KCNC2: variants seen among roughly 807,000 people sequenced by gnomAD.
KCNC2 encodes voltage-gated potassium channel KCNC2.
KCNC2 carries 21 observed loss-of-function variants against 44.5 expected under a neutral mutation model. That is an observed-to-expected ratio of 0.47 (90% CI 0.33 to 0.68). KCNC2 has a LOEUF of 0.68. Ranked by LOEUF, KCNC2 falls within the 30% of genes least tolerant of loss-of-function variation. The pLI, the probability that KCNC2 is intolerant of heterozygous loss-of-function variation, is 0.01. For synonymous variants in KCNC2, 391 were observed against 339.1 expected, an observed-to-expected ratio of 1.15 and a Z score of -1.68; for missense variants, 589 against 826.2, an observed-to-expected ratio of 0.71 and a Z score of 3.52.
chr12:75,184,973 T>C (rs887979777), intron 2 of KCNC2, among the ~76,000 whole-genome samples: 3 of 152,218 alleles, frequency 2.0e-5, no homozygotes, highest in Admixed American at 6.5e-5. Context: ...AAGTATTCAT[T>C]TGTGGACACA....
chr12:75,052,420 G>T (rs754520295), intron 2 of KCNC2, among the ~76,000 whole-genome samples: 1 of 152,042 alleles, frequency 6.6e-6, no homozygotes, highest in Admixed American at 6.6e-5. Flanking sequence ...TAATATTAAA[G>T]ATCTGAAAAC....
intron 2 of KCNC2, among the ~76,000 whole-genome samples, chr12:75,117,115 A>C (rs1490028578): frequency 6.6e-6 from 1 of 152,110 alleles, no homozygotes; most frequent in Non-Finnish European, 1.5e-5. Context: ...GAAAGAGAAG[A>C]CAAAAAGAAA....
chr12:75,085,698 G>A (rs577320477), intron 2 of KCNC2, among the ~76,000 whole-genome samples: 44 of 152,066 alleles, frequency 2.9e-4, no homozygotes, highest in African/African-American at 1.0e-3. Flanking sequence ...GAAAATAGAT[G>A]CTCTAGGGTG....
chr12:75,179,024 C>A (rs993868025), intron 2 of KCNC2, among the ~76,000 whole-genome samples: 1 of 151,758 alleles, frequency 6.6e-6, no homozygotes, highest in African/African-American at 2.4e-5. Context: ...AGAAGGAAAT[C>A]TCCTTTCAAG....
At chr12:75,106,788 C>T (rs993523899) in intron 2 of KCNC2, among the ~76,000 whole-genome samples, 2 of 152,222 alleles carry the variant, frequency 1.3e-5, no homozygotes, top group Non-Finnish European at 2.9e-5. Flanking sequence ...ATTCTTATCC[C>T]TATACTACTA....
At position 75,126,778 on chromosome 12, in the gene KCNC2, T is replaced by C. The variant is rs534724728; in HGVS notation, c.688-75461A>G. ...ATAAACAAGAACATTCAGGATAAGATATTTGTTATACAAATATTATTCTAG... is the reference window on the plus strand; with the variant it reads ...ATAAACAAGAACATTCAGGATAAGACATTTGTTATACAAATATTATTCTAG... On this transcript the variant is annotated intron_variant, in intron 2 of 4. Transcript: ENST00000549446. Among the ~76,000 whole-genome samples, 5 of 152,128 alleles carry C rather than the reference T, an allele frequency of 3.3e-5. No homozygotes were observed. The South Asian group carries it at 1.0e-3, about 31-fold the overall frequency.
At chr12:75,192,433 G>A (rs925781807) in intron 2 of KCNC2, among the ~76,000 whole-genome samples, 16 of 152,298 alleles carry the variant, frequency 1.1e-4, no homozygotes, top group Admixed American at 3.3e-4. Context: ...TGTAAATATT[G>A]TTCCAACTTA....
At chr12:75,192,563 C>G (rs939721294) in intron 2 of KCNC2, among the ~76,000 whole-genome samples, 1 of 152,108 alleles carries the variant, frequency 6.6e-6, no homozygotes, top group Non-Finnish European at 1.5e-5. Context: ...CCGAGTGATC[C>G]TTTTCAAGAA....
chr12:75,150,347 C>T (rs1334550485), intron 2 of KCNC2, among the ~76,000 whole-genome samples: 1 of 151,820 alleles, frequency 6.6e-6, no homozygotes, highest in Non-Finnish European at 1.5e-5. Context: ...TGAAATATAT[C>T]ACACTACCAT....
At chr12:75,058,840 G>A (rs1882016096) in intron 2 of KCNC2, among the ~76,000 whole-genome samples, 1 of 151,976 alleles carries the variant, frequency 6.6e-6, no homozygotes, top group Admixed American at 6.6e-5. Flanking sequence ...ATGGGAGCTA[G>A]ACCCACCTGT....
chr12:75,143,578 G>A (rs887198490), intron 2 of KCNC2, among the ~76,000 whole-genome samples: 1 of 152,064 alleles, frequency 6.6e-6, no homozygotes. Context: ...TAAAATAACA[G>A]GCTCTGTCCT....
chr12:75,207,464 G>A lies in KCNC2; in HGVS notation c.520C>T (p.Leu174Phe), dbSNP rs769765610. Residue 174 changes from leucine (L) to phenylalanine (F), a missense_variant, in exon 2 of 5, where the codon CTC (leucine) becomes TTC (phenylalanine). This residue lies in a region of KCNC2 where 97 missense variants were observed against 73.3 expected (regional missense o/e 1.32). Coordinates refer to ENST00000549446, the MANE Select transcript of KCNC2 (RefSeq NM_139137.4). This position sits in a 1 kb window ranked among gnomAD's most constrained non-coding sequence, Gnocchi z 4.1. ...TCGTCGCCGGGGTCGCCGCCAATGA[G>A]GTCGGGGGTCTCGAAGATGTCCAGC... ...EALDIFETPDLIGGDPGDDED... is the reference protein window; with the variant it reads ...EALDIFETPDFIGGDPGDDED... 1.2e-6 allele frequency: 2 copies of A among 1,612,184 alleles called. No individual in the cohort carries two copies. The highest frequency in any genetic ancestry group is 1.3e-5 in the African/African-American group (1 of 74,812).
intron 2 of KCNC2, among the ~76,000 whole-genome samples, chr12:75,172,321 T>C (rs2137587276): frequency 6.6e-6 from 1 of 151,906 alleles, no homozygotes; most frequent in Admixed American, 6.6e-5. Context: ...CTGGGGCATG[T>C]TGGAGGCAGG....
chr12:75,126,810 A>G (rs1334510055), intron 2 of KCNC2, among the ~76,000 whole-genome samples: 3 of 152,176 alleles, frequency 2.0e-5, no homozygotes, highest in Non-Finnish European at 4.4e-5. Flanking sequence ...CTAGCAGTAA[A>G]GAAAATTAGA....
At chr12:75,138,979 T>TAAAAAAAAAAAAAAAAAAAAAAA (rs373729570) in intron 2 of KCNC2, among the ~76,000 whole-genome samples, 27 of 77,930 alleles carry the variant, frequency 3.5e-4, no homozygotes, top group East Asian at 9.4e-4. Flanking sequence ...AGACTCCGTG[T>TAAAAAAAAAAAAAAAAAAAAAAA]AAAAAAAAAA....
intron 2 of KCNC2, among the ~76,000 whole-genome samples, chr12:75,076,420 C>T (rs1044721325): frequency 1.2e-4 from 18 of 152,190 alleles, no homozygotes; most frequent in African/African-American, 3.4e-4. Flanking sequence ...CTAGAGGCGC[C>T]CGCTACCACG....
intron 2 of KCNC2, among the ~76,000 whole-genome samples, chr12:75,145,686 A>G (rs1889971919): frequency 6.6e-6 from 1 of 152,158 alleles, no homozygotes; most frequent in Non-Finnish European, 1.5e-5. Context: ...TAGTAGAAAG[A>G]TAATTTCTAG....
intron 2 of KCNC2, among the ~76,000 whole-genome samples, chr12:75,100,956 G>C (rs1369116303): frequency 6.6e-6 from 1 of 151,988 alleles, no homozygotes; most frequent in Non-Finnish European, 1.5e-5. Flanking sequence ...TTTTCTTTCA[G>C]TGAAAGAAAT....
chr12:75,126,038 C>G (rs1047944790), intron 2 of KCNC2, among the ~76,000 whole-genome samples: 3 of 152,162 alleles, frequency 2.0e-5, no homozygotes, highest in African/African-American at 7.2e-5. Context: ...AATGAGGTAA[C>G]TAAGAACAAA....
Sources: gnomAD v4.1 joint callset for allele counts (sites outside exome capture counted in the v4.1 genomes callset) on GRCh38, gnomAD v4.1.1 for gene constraint, gnomAD v4.1.1 regional missense constraint, Gnocchi (gnomAD v3.1) non-coding constraint, MANE v1.5 for transcripts, NCBI Gene and HGNC (gene_info 2026-07-23, HGNC 2026-07-21) for gene names.